LRMDA: variants seen among roughly 807,000 people sequenced by gnomAD.
LRMDA encodes the protein leucine rich melanocyte differentiation associated, also known as leucine-rich melanocyte differentiation-associated protein.
In LRMDA, 18 loss-of-function variants were observed where a neutral mutation model predicts 29.8. The ratio of observed to expected loss-of-function variants is 0.60; its 90% CI spans 0.42 to 0.90. The LOEUF (loss-of-function observed/expected upper bound fraction) is 0.90. LRMDA is among the 40% of genes least tolerant of loss of function. The pLI, the probability that LRMDA is intolerant of heterozygous loss-of-function variation, is 0.00. For synonymous variants in LRMDA, 125 were observed against 109.4 expected, an observed-to-expected ratio of 1.14 and a Z score of -0.89; for missense variants, 273 against 273.9, an observed-to-expected ratio of 1.00 and a Z score of 0.02.
chr10:75,553,576 T>C (rs1840178769), intron 2 of LRMDA, among the ~76,000 whole-genome samples: 1 of 152,166 alleles, frequency 6.6e-6, no homozygotes. Flanking sequence ...GACTCTTGGG[T>C]AGGAGAGCAT....
chr10:76,502,695 G>C (rs991125016), intron 6 of LRMDA, among the ~76,000 whole-genome samples: 1 of 151,110 alleles, frequency 6.6e-6, no homozygotes, highest in Non-Finnish European at 1.5e-5. Flanking sequence ...GCTGATTTTT[G>C]TACATTGATC....
At chr10:76,094,963 T>C (rs987945410) in intron 5 of LRMDA, among the ~76,000 whole-genome samples, 1 of 152,206 alleles carries the variant, frequency 6.6e-6, no homozygotes, top group South Asian at 2.1e-4. Flanking sequence ...ATAGAATCTA[T>C]TGAAGGTTCT....
intron 2 of LRMDA, among the ~76,000 whole-genome samples, chr10:75,859,600 TACACACACACACAC>T (rs71024575): frequency 1.1e-3 from 82 of 77,600 alleles, no homozygotes; most frequent in African/African-American, 2.0e-3. Context: ...ATTCAGGGCA[TACACACACACACAC>T]ACACACACAC....
At chr10:75,979,242 C>T (rs1847125351) in intron 2 of LRMDA, among the ~76,000 whole-genome samples, 1 of 152,072 alleles carries the variant, frequency 6.6e-6, no homozygotes, top group Non-Finnish European at 1.5e-5. Context: ...CAATAGATGA[C>T]ATTTGAATAG....
chr10:75,597,651 C>T (rs1046653576), intron 2 of LRMDA, among the ~76,000 whole-genome samples: 1 of 152,120 alleles, frequency 6.6e-6, no homozygotes, highest in African/African-American at 2.4e-5. Context: ...CTCCCATTCA[C>T]TTTTTTTAAT....
At chr10:75,551,902 G>T (rs182117279) in intron 2 of LRMDA, among the ~76,000 whole-genome samples, 1 of 151,978 alleles carries the variant, frequency 6.6e-6, no homozygotes, top group African/African-American at 2.4e-5. Flanking sequence ...TATTAGCTGG[G>T]TGTGGTGGCT....
chr10:75,682,400 G>A (rs12266267), intron 2 of LRMDA, among the ~76,000 whole-genome samples: 5,647 of 152,018 alleles, frequency 0.037, 262 homozygotes, highest in African/African-American at 0.11. Flanking sequence ...AGCTCTTAAG[G>A]AGTTAAAGCA....
intron 5 of LRMDA, among the ~76,000 whole-genome samples, chr10:76,083,670 A>T (rs1178221700): frequency 6.6e-6 from 1 of 152,148 alleles, no homozygotes; most frequent in Non-Finnish European, 1.5e-5. Context: ...CTCTACTAAA[A>T]AAACAAACAA....
rs547441100 is a variant in LRMDA at position 75,748,625 on chromosome 10, G to A, written c.132-287383G>A. Reference sequence around the variant, plus strand: ...GCTGACCATCATCTAGCTCGAGATGGTACTGTGTTTGCTCCGTTATGATTA... The same window carrying A: ...GCTGACCATCATCTAGCTCGAGATGATACTGTGTTTGCTCCGTTATGATTA... On this transcript the variant is annotated intron_variant, in intron 2 of 6. Coordinates refer to ENST00000611255, the MANE Select transcript of LRMDA (RefSeq NM_001305581.2). 2.6e-5 allele frequency among the ~76,000 whole-genome samples: 4 copies of A among 152,252 alleles called. No homozygotes were observed. In the East Asian group the frequency reaches 7.7e-4, roughly 29 times the overall value.
chr10:76,076,058 T>C (rs1848950775), intron 5 of LRMDA, among the ~76,000 whole-genome samples: 1 of 152,160 alleles, frequency 6.6e-6, no homozygotes, highest in Admixed American at 6.5e-5. Flanking sequence ...ACTTAATAAC[T>C]TTGGGCTGGG....
intron 2 of LRMDA, among the ~76,000 whole-genome samples, chr10:75,945,394 G>A (rs1846459852): frequency 6.6e-6 from 1 of 152,110 alleles, no homozygotes; most frequent in Non-Finnish European, 1.5e-5. Flanking sequence ...TTCTTTCTGG[G>A]ATCACTCCCT....
chr10:76,440,569 T>C (rs1046835105), intron 6 of LRMDA, among the ~76,000 whole-genome samples: 1 of 152,064 alleles, frequency 6.6e-6, no homozygotes, highest in African/African-American at 2.4e-5. Flanking sequence ...GTTTGTATAA[T>C]GGGAGGGTTG....
At chr10:76,302,612 A>G (rs1840495460) in intron 5 of LRMDA, among the ~76,000 whole-genome samples, 1 of 152,018 alleles carries the variant, frequency 6.6e-6, no homozygotes, top group African/African-American at 2.4e-5. Context: ...CTTTTAGAGA[A>G]AATGTTTGTG....
At chr10:76,423,370 G>C (rs915815612) in intron 6 of LRMDA, among the ~76,000 whole-genome samples, 8 of 152,226 alleles carry the variant, frequency 5.3e-5, no homozygotes, top group African/African-American at 1.9e-4. Flanking sequence ...CTCCAGCCTA[G>C]GCAACAGAGT....
At chr10:75,566,446 A>T (rs554224454) in intron 2 of LRMDA, among the ~76,000 whole-genome samples, 1 of 152,298 alleles carries the variant, frequency 6.6e-6, no homozygotes, top group Admixed American at 6.5e-5. Context: ...TCCTCATTTT[A>T]ACAAGATTCC....
intron 2 of LRMDA, among the ~76,000 whole-genome samples, chr10:75,543,274 GCTT>G (rs1452794198): frequency 6.6e-6 from 1 of 152,182 alleles, no homozygotes; most frequent in Non-Finnish European, 1.5e-5. Context: ...TGAACATTTT[GCTT>G]CTTCTTTAAC....
intron 2 of LRMDA, among the ~76,000 whole-genome samples, chr10:75,478,115 C>T (rs568018904): frequency 1.3e-5 from 2 of 152,186 alleles, no homozygotes; most frequent in African/African-American, 4.8e-5. Flanking sequence ...TGGGAGGAGG[C>T]CTTTAAGCCT....
intron 2 of LRMDA, among the ~76,000 whole-genome samples, chr10:75,976,461 A>G (rs1039154512): frequency 2.0e-5 from 3 of 152,126 alleles, no homozygotes; most frequent in South Asian, 4.1e-4. Context: ...AGTGCTGTTT[A>G]TTCATTTGCC....
At chr10:76,244,125 A>T (rs1276216432) in intron 5 of LRMDA, among the ~76,000 whole-genome samples, 1 of 152,158 alleles carries the variant, frequency 6.6e-6, no homozygotes, top group Non-Finnish European at 1.5e-5. Context: ...TACCAGTTTT[A>T]TAATAAATTG....
Sources: gnomAD v4.1 joint callset for allele counts (sites outside exome capture counted in the v4.1 genomes callset) on GRCh38, gnomAD v4.1.1 for gene constraint, MANE v1.5 for transcripts, NCBI Gene and HGNC (gene_info 2026-07-23, HGNC 2026-07-21) for gene names.